The following PHACTR1 variants were observed in gnomAD, a reference collection of about 807,000 sequenced individuals.
PHACTR1 encodes phosphatase and actin regulator 1.
PHACTR1 carries 16 observed loss-of-function variants against 69.2 expected under a neutral mutation model. That is an observed-to-expected ratio of 0.23 (90% CI 0.16 to 0.35). PHACTR1 has a LOEUF of 0.35. Ranked by LOEUF, PHACTR1 falls within the 10% of genes least tolerant of loss-of-function variation. The pLI is 1.00. For synonymous variants in PHACTR1, 312 were observed against 284.5 expected, an observed-to-expected ratio of 1.10 and a Z score of -0.97; for missense variants, 510 against 734.7, an observed-to-expected ratio of 0.69 and a Z score of 3.54.
chr6:12,879,515 C>T (rs1030577092), intron 4 of PHACTR1, among the ~76,000 whole-genome samples: 1 of 152,128 alleles, frequency 6.6e-6, no homozygotes, highest in Admixed American at 6.6e-5. Flanking sequence ...GTCTTGTCTT[C>T]TTATTCTTTT....
intron 4 of PHACTR1, among the ~76,000 whole-genome samples, chr6:12,828,345 A>G (rs1215147794): frequency 6.6e-6 from 1 of 152,216 alleles, no homozygotes; most frequent in Non-Finnish European, 1.5e-5. Context: ...TATTCAGTAT[A>G]AAAAACTGCA....
intron 5 of PHACTR1, among the ~76,000 whole-genome samples, chr6:13,056,057 A>G (rs992605631): frequency 6.6e-6 from 1 of 152,234 alleles, no homozygotes; most frequent in Non-Finnish European, 1.5e-5. Flanking sequence ...ACACTACAGT[A>G]TATCTTTATA....
intron 10 of PHACTR1, among the ~76,000 whole-genome samples, chr6:13,231,880 G>A (rs1252721052): frequency 1.3e-5 from 2 of 152,150 alleles, no homozygotes; most frequent in Admixed American, 6.5e-5. Context: ...TTACAGATGA[G>A]AATACCAGGC....
chr6:12,883,656 G>A (rs745868967), intron 4 of PHACTR1, among the ~76,000 whole-genome samples: 1 of 151,996 alleles, frequency 6.6e-6, no homozygotes, highest in African/African-American at 2.4e-5. Context: ...TGCTGTCTGG[G>A]GATGGCTCAG....
intron 4 of PHACTR1, among the ~76,000 whole-genome samples, chr6:12,809,373 CCCA>C (rs1441412684): frequency 6.6e-6 from 1 of 152,190 alleles, no homozygotes; most frequent in Admixed American, 6.5e-5. Context: ...CATTCCTGTG[CCCA>C]CAACAGATAT....
intron 4 of PHACTR1, among the ~76,000 whole-genome samples, chr6:12,959,192 A>AAG (rs1554181503): frequency 4.7e-5 from 5 of 106,630 alleles, no homozygotes; most frequent in African/African-American, 2.9e-4. Context: ...AAAAAAAAAA[A>AAG]AAAGAAAAGA....
chr6:13,062,491 A>G (rs1056825436), intron 5 of PHACTR1, among the ~76,000 whole-genome samples: 1 of 152,196 alleles, frequency 6.6e-6, no homozygotes, highest in African/African-American at 2.4e-5. Flanking sequence ...AATCACTTCC[A>G]TGGAAGCCCA....
At chr6:12,870,567 A>T (rs896642031) in intron 4 of PHACTR1, among the ~76,000 whole-genome samples, 5 of 152,210 alleles carry the variant, frequency 3.3e-5, no homozygotes, top group African/African-American at 1.2e-4. Flanking sequence ...CTGTGTCTCT[A>T]CATCAGGCAC....
chr6:12,743,189 G>GA (rs56962574), intron 3 of PHACTR1, among the ~76,000 whole-genome samples: 41,254 of 136,488 alleles, frequency 0.3, 6,384 homozygotes, highest in Non-Finnish European at 0.38. Context: ...TAAATTGCAG[G>GA]AAAAAAAAAA....
chr6:12,937,596 G>T (rs916765755), intron 4 of PHACTR1, among the ~76,000 whole-genome samples: 4 of 152,100 alleles, frequency 2.6e-5, no homozygotes, highest in Non-Finnish European at 5.9e-5. Context: ...TCAGGTGGCG[G>T]TAAGAGTTAT....
intron 4 of PHACTR1, among the ~76,000 whole-genome samples, chr6:12,768,567 A>AT (rs35435575): frequency 0.49 from 74,721 of 151,282 alleles, 20,981 homozygotes; most frequent in East Asian, 0.96. Context: ...AAGGGGCAAC[A>AT]TTTTTTTTCA....
At chr6:13,064,249 G>A (rs1005008526) in intron 5 of PHACTR1, among the ~76,000 whole-genome samples, 1 of 151,856 alleles carries the variant, frequency 6.6e-6, no homozygotes, top group Non-Finnish European at 1.5e-5. Context: ...ACAGATCCAA[G>A]AGATATTTAG....
intron 10 of PHACTR1, among the ~76,000 whole-genome samples, chr6:13,266,095 A>C (rs939879501): frequency 6.6e-6 from 1 of 151,736 alleles, no homozygotes; most frequent in Non-Finnish European, 1.5e-5. Flanking sequence ...CTTCACAAAC[A>C]CGCTGGTTCT....
chr6:13,017,433 T>C (rs1800357211), intron 4 of PHACTR1, among the ~76,000 whole-genome samples: 1 of 152,090 alleles, frequency 6.6e-6, no homozygotes, highest in South Asian at 2.1e-4. Flanking sequence ...CTGCATTTAA[T>C]TGTTTTTTCC....
intron 4 of PHACTR1, among the ~76,000 whole-genome samples, chr6:12,794,582 G>T (rs1183949058): frequency 6.6e-6 from 1 of 152,320 alleles, no homozygotes; most frequent in Non-Finnish European, 1.5e-5. Flanking sequence ...TACTTAGCCT[G>T]ATATATATCT....
chr6:13,110,944 C>T (rs1450843415), intron 5 of PHACTR1, among the ~76,000 whole-genome samples: 6 of 151,484 alleles, frequency 4.0e-5, no homozygotes, highest in Non-Finnish European at 7.4e-5. Context: ...TTTCCTTTTC[C>T]CTCTCTCTTT....
intron 4 of PHACTR1, among the ~76,000 whole-genome samples, chr6:12,849,306 C>G (rs1014721205): frequency 1.2e-4 from 19 of 152,144 alleles, no homozygotes; most frequent in African/African-American, 4.6e-4. Context: ...TGGTGAGGTC[C>G]CACGTCGGTG....
intron 8 of PHACTR1, among the ~76,000 whole-genome samples, chr6:13,212,450 T>C (rs925406223): frequency 6.6e-6 from 1 of 152,050 alleles, no homozygotes; most frequent in Non-Finnish European, 1.5e-5. Flanking sequence ...CTTCTCAGAT[T>C]CTGGTACAGA....
chr6:13,042,868 G>A (rs72820866), intron 4 of PHACTR1, among the ~76,000 whole-genome samples: 3,437 of 152,284 alleles, frequency 0.023, 66 homozygotes, highest in Non-Finnish European at 0.033. Flanking sequence ...TTACAGAGAG[G>A]AAGCCGATGG....
Sources: allele counts gnomAD v4.1 joint callset (sites outside exome capture counted in the v4.1 genomes callset), GRCh38; gene constraint gnomAD v4.1.1; transcripts MANE v1.5; gene names NCBI Gene and HGNC (gene_info 2026-07-23, HGNC 2026-07-21).